The following NLGN1 variants were observed in gnomAD, a reference collection of about 807,000 sequenced individuals.
The protein encoded by NLGN1 is neuroligin 1.
In NLGN1, 12 loss-of-function variants were observed where a neutral mutation model predicts 65.5. The observed-to-expected ratio is 0.18, with a 90% CI of 0.12 to 0.30. The LOEUF (loss-of-function observed/expected upper bound fraction) is 0.30. Ranked by LOEUF, NLGN1 falls within the 10% of genes least tolerant of loss-of-function variation. NLGN1 has a pLI of 1.00. For synonymous variants in NLGN1, 350 were observed against 359.5 expected, an observed-to-expected ratio of 0.97 and a Z score of 0.30; for missense variants, 750 against 1,007.1, an observed-to-expected ratio of 0.74 and a Z score of 3.46.
At chr3:173,773,641 A>G (rs1779895973) in intron 3 of NLGN1, among the ~76,000 whole-genome samples, 1 of 152,180 alleles carries the variant, frequency 6.6e-6, no homozygotes, top group Non-Finnish European at 1.5e-5. Flanking sequence ...TTAAGTACCT[A>G]TTTGTGCTAG....
intron 4 of NLGN1, among the ~76,000 whole-genome samples, chr3:173,865,064 G>A (rs1359157869): frequency 6.6e-6 from 1 of 152,096 alleles, no homozygotes; most frequent in East Asian, 1.9e-4. Context: ...ATGGTGTGGT[G>A]GTCTGGTACT....
At chr3:174,185,772 A>G (rs1397630752) in intron 4 of NLGN1, among the ~76,000 whole-genome samples, 1 of 150,750 alleles carries the variant, frequency 6.6e-6, no homozygotes, top group African/African-American at 2.4e-5. Context: ...TTTTTAAAAA[A>G]ATGTCAGTAA....
At chr3:173,600,204 C>CACACAA (rs1750235943) in intron 2 of NLGN1, among the ~76,000 whole-genome samples, 1 of 151,566 alleles carries the variant, frequency 6.6e-6, no homozygotes, top group Non-Finnish European at 1.5e-5. Context: ...TGTGTGTACA[C>CACACAA]ACACACACAC....
intron 4 of NLGN1, among the ~76,000 whole-genome samples, chr3:174,060,436 A>T (rs926191460): frequency 6.6e-6 from 1 of 151,892 alleles, no homozygotes; most frequent in Non-Finnish European, 1.5e-5. Context: ...ACCAGAACAT[A>T]TGCCCCCCTT....
intron 3 of NLGN1, among the ~76,000 whole-genome samples, chr3:173,724,286 C>CT (rs1314468950): frequency 6.6e-6 from 1 of 152,106 alleles, no homozygotes. Context: ...ACTATTCACA[C>CT]TTTTTTTGAG....
At chr3:173,626,244 C>T (rs1754805901) in intron 3 of NLGN1, among the ~76,000 whole-genome samples, 1 of 151,866 alleles carries the variant, frequency 6.6e-6, no homozygotes, top group Admixed American at 6.6e-5. Context: ...TAATTGCTAC[C>T]ATTTTGGGCA....
rs776117436 is a variant in NLGN1, at chr3:174,279,657, A to G, written c.1649+7A>G. On this transcript the variant is annotated splice_region_variant and intron_variant, in intron 6 of 6. Coordinates refer to ENST00000457714, the Ensembl canonical transcript of NLGN1. This position sits in a 1 kb window ranked among gnomAD's most constrained non-coding sequence, Gnocchi z 4.7. ...CAAATTTTGCTAAAACTGGGTATGT[A>G]CCTAAGGAATGAAGTTTATTTTTAA... 7 of 1,508,134 alleles carry G rather than the reference A, an allele frequency of 4.6e-6. No individual in the cohort carries two copies. Among genetic ancestry groups the G allele is most frequent in the South Asian group, 1.2e-5 (1 of 83,192 alleles). 93.4% of individuals were successfully genotyped at this position (1,508,134 alleles called of 1,614,324 possible).
intron 2 of NLGN1, among the ~76,000 whole-genome samples, chr3:173,562,606 T>G (rs1242240423): frequency 3.9e-5 from 6 of 152,056 alleles, no homozygotes; most frequent in Non-Finnish European, 8.8e-5. Context: ...TATGTAAGAC[T>G]TTGAAGTTTA....
intron 4 of NLGN1, among the ~76,000 whole-genome samples, chr3:173,948,695 T>A (rs1419893346): frequency 6.6e-6 from 1 of 152,190 alleles, no homozygotes. Flanking sequence ...CACAGTTGCA[T>A]GAATATTTAC....
intron 3 of NLGN1, among the ~76,000 whole-genome samples, chr3:173,737,955 G>A (rs775472881): frequency 6.6e-6 from 1 of 152,008 alleles, no homozygotes; most frequent in Non-Finnish European, 1.5e-5. Flanking sequence ...CTTAATGAAT[G>A]TGAAATCATA....
At chr3:174,064,831 G>C (rs1472873958) in intron 4 of NLGN1, among the ~76,000 whole-genome samples, 2 of 150,016 alleles carry the variant, frequency 1.3e-5, no homozygotes, top group Non-Finnish European at 3.0e-5. Flanking sequence ...AGAATGTAAG[G>C]TTATATATAT....
At chr3:173,434,706 G>A (rs992750678) in intron 1 of NLGN1, among the ~76,000 whole-genome samples, 2 of 152,114 alleles carry the variant, frequency 1.3e-5, no homozygotes, top group African/African-American at 4.8e-5. Flanking sequence ...CTATAAAATA[G>A]TCTAAAAGGA....
chr3:173,671,471 A>G (rs1284586570), intron 3 of NLGN1, among the ~76,000 whole-genome samples: 2 of 152,118 alleles, frequency 1.3e-5, no homozygotes, highest in Non-Finnish European at 2.9e-5. Flanking sequence ...CAAACAGAAG[A>G]AGAAGAAAAA....
At chr3:173,755,365 C>G (rs1037572349) in intron 3 of NLGN1, among the ~76,000 whole-genome samples, 1 of 152,054 alleles carries the variant, frequency 6.6e-6, no homozygotes, top group Admixed American at 6.6e-5. Flanking sequence ...AATGAGTTTA[C>G]AGAAAGATAT....
rs76332848 is a variant in NLGN1 at position 174,083,128 on chromosome 3, A to G, written c.647-192187A>G. On this transcript the variant is annotated intron_variant, in intron 4 of 6. Coordinates refer to ENST00000457714, the Ensembl canonical transcript of NLGN1. ...ATCTAATAAATGAAATAAATATCAGACATATAACATATATGTTAGAAAATG... is the reference window on the plus strand; with the variant it reads ...ATCTAATAAATGAAATAAATATCAGGCATATAACATATATGTTAGAAAATG... Among the ~76,000 whole-genome samples the G allele has an allele frequency of 5.4e-3, 825 of 152,330 alleles. 5 individuals are homozygous for G. The highest frequency in any genetic ancestry group is 0.018 in the African/African-American group (747 of 41,588).
Position 173,522,597 on chromosome 3 carries a change from A to ATT in NLGN1, c.-320-81674_-320-81673dup, listed in dbSNP as rs71300451. ...AGGTGCCCGCCACTACGCCCAGCTA[A>ATT]TTTTTTTTTGTATTTTTAGTAGAGA... On this transcript the variant is annotated intron_variant, in intron 2 of 6. Transcript: ENST00000457714. 2.3e-4 allele frequency among the ~76,000 whole-genome samples: 35 copies of ATT among 151,168 alleles called. 1 individual carries two copies. The highest frequency in any genetic ancestry group is 1.4e-3 in the East Asian group (7 of 5,110).
intron 3 of NLGN1, among the ~76,000 whole-genome samples, chr3:173,688,943 G>C (rs1765059907): frequency 6.6e-6 from 1 of 152,134 alleles, no homozygotes; most frequent in Non-Finnish European, 1.5e-5. Flanking sequence ...TTGGCATCCT[G>C]TTGTCACATT....
At chr3:173,471,310 C>T (rs1221590374) in intron 2 of NLGN1, among the ~76,000 whole-genome samples, 1 of 152,094 alleles carries the variant, frequency 6.6e-6, no homozygotes, top group African/African-American at 2.4e-5. Context: ...AGTTTGAGAT[C>T]AAGACATCAG....
intron 3 of NLGN1, among the ~76,000 whole-genome samples, chr3:173,728,956 A>T (rs573621798): frequency 6.6e-6 from 1 of 152,220 alleles, no homozygotes; most frequent in Admixed American, 6.5e-5. Flanking sequence ...AATTAATAAC[A>T]TATCTGAACT....
Sources: gnomAD v4.1 joint callset for allele counts (sites outside exome capture counted in the v4.1 genomes callset) on GRCh38, gnomAD v4.1.1 for gene constraint, Gnocchi (gnomAD v3.1) non-coding constraint, MANE v1.5 for transcripts, NCBI Gene and HGNC (gene_info 2026-07-23, HGNC 2026-07-21) for gene names.